Variants in MAPK6 observed in about 807,000 individuals in gnomAD.
The protein encoded by MAPK6 is ERK-3.
A neutral mutation model predicts 59.3 loss-of-function variants in MAPK6; 19 were observed. The observed-to-expected ratio is 0.32, with a 90% CI of 0.22 to 0.47. MAPK6 has a LOEUF of 0.47. Among genes scored for constraint, MAPK6 ranks in the 20% least tolerant of loss-of-function variants. The pLI, the probability that MAPK6 is intolerant of heterozygous loss-of-function variation, is 1.00. For synonymous variants in MAPK6, 316 were observed against 290.3 expected, an observed-to-expected ratio of 1.09 and a Z score of -0.90; for missense variants, 724 against 847.9, an observed-to-expected ratio of 0.85 and a Z score of 1.81.
At chr15:52,031,452 C>A (rs759274384) in intron 1 of MAPK6, among the ~76,000 whole-genome samples, 5 of 152,020 alleles carry the variant, frequency 3.3e-5, no homozygotes, top group Non-Finnish European at 5.9e-5. Flanking sequence ...CCTATTTTGC[C>A]TATTGGGAGG....
chr15:52,002,429 C>T (rs2057244659), intron 2 of MAPK6, among the ~76,000 whole-genome samples: 1 of 152,178 alleles, frequency 6.6e-6, no homozygotes, highest in Admixed American at 6.6e-5. Flanking sequence ...TCAGACCTCT[C>T]CTGGCTCTGA....
intron 3 of MAPK6, among the ~76,000 whole-genome samples, chr15:52,056,359 A>C (rs752940462): frequency 6.6e-6 from 1 of 152,152 alleles, no homozygotes; most frequent in Non-Finnish European, 1.5e-5. Context: ...CCAGTCTTAC[A>C]AAATAATCTG....
chr15:52,018,940 G>C (rs2030361958), upstream of MAPK6: 1 of 152,300 alleles, frequency 6.6e-6, no homozygotes, highest in Non-Finnish European at 1.5e-5. Flanking sequence ...CTTAGTAAAC[G>C]CTGGCACTGG....
At chr15:52,041,639 G>A (rs546555572) in intron 1 of MAPK6, among the ~76,000 whole-genome samples, 3 of 152,332 alleles carry the variant, frequency 2.0e-5, no homozygotes, top group South Asian at 4.1e-4. Context: ...AAGGAGCTCC[G>A]TGATTGATGT....
chr15:52,047,075 G>A (rs2031614170), intron 2 of MAPK6, 60 bp downstream of exon 2: 7 of 1,223,250 alleles, frequency 5.7e-6, no homozygotes, highest in Non-Finnish European at 6.6e-6. Flanking sequence ...TCAGGAATAG[G>A]TACTTATATT....
upstream of MAPK6, chr15:52,018,083 T>G (rs1413076912): frequency 6.6e-6 from 1 of 151,946 alleles, no homozygotes; most frequent in Non-Finnish European, 1.5e-5. Context: ...CAGGCTGGAG[T>G]GTCCTGGCGC....
At chr15:51,974,321 C>T (rs2057150780) in intron 1 of MAPK6, among the ~76,000 whole-genome samples, 1 of 151,308 alleles carries the variant, frequency 6.6e-6, no homozygotes, top group Non-Finnish European at 1.5e-5. Flanking sequence ...GAATTTAATC[C>T]TATTTGGTTT....
chr15:52,064,782 G>A lies in MAPK6; in HGVS notation c.1948G>A (p.Gly650Arg), dbSNP rs1372975234. 14 of 1,611,918 alleles carry A rather than the reference G, an allele frequency of 8.7e-6. No homozygotes were observed. Among genetic ancestry groups the A allele is most frequent in the Non-Finnish European group, 1.1e-5 (13 of 1,179,800 alleles). Reference protein sequence around the residue: ...EMLETEPVEDGKLGERGHEEG... With the variant: ...EMLETEPVEDRKLGERGHEEG... Reference sequence around the variant, plus strand: ...GCTAGAAACTGAGCCAGTAGAGGATGGGAAGCTTGGGGAGAGAGGACATGA... The same window carrying A: ...GCTAGAAACTGAGCCAGTAGAGGATAGGAAGCTTGGGGAGAGAGGACATGA... Residue 650 changes from glycine to arginine, a missense_variant, in exon 6 of 6, where the codon GGG (glycine) becomes AGG (arginine). Gly to Arg is a moderately radical substitution (Grantham distance 125, BLOSUM62 -2). This residue lies in a region of MAPK6 where 502 missense variants were observed against 507.6 expected (regional missense o/e 0.99). Coordinates refer to ENST00000261845, the MANE Select transcript of MAPK6 (RefSeq NM_002748.4).
intron 1 of MAPK6, among the ~76,000 whole-genome samples, chr15:52,025,858 C>T (rs576125927): frequency 6.6e-6 from 1 of 152,256 alleles, no homozygotes; most frequent in South Asian, 2.1e-4. Context: ...GATCTTTGCC[C>T]ACTCTAAAAT....
rs1375905024 is a variant in MAPK6 at position 52,061,284 on chromosome 15, C to T, written c.866-15C>T. 4.4e-6 allele frequency: 7 copies of T among 1,606,152 alleles called. No individual in the cohort carries two copies. The highest frequency in any genetic ancestry group is 6.0e-6 in the Non-Finnish European group (7 of 1,173,958). Reference sequence around the variant, plus strand: ...GCAATTCTTTTCTGAAAAACTTTTACCTTTTCCTCTGCAGCACTGGATTTC... The same window carrying T: ...GCAATTCTTTTCTGAAAAACTTTTATCTTTTCCTCTGCAGCACTGGATTTC... On this transcript the variant is annotated splice_polypyrimidine_tract_variant and intron_variant, in intron 4 of 5. Transcript: ENST00000261845.
intron 1 of MAPK6, among the ~76,000 whole-genome samples, chr15:52,037,468 G>GT (rs2031280849): frequency 6.6e-6 from 1 of 152,138 alleles, no homozygotes; most frequent in African/African-American, 2.4e-5. Flanking sequence ...ACCTTCTTTG[G>GT]TATTACATGG....
Position 52,067,042 on chromosome 15 carries a change from T to C in MAPK6, c.*2042T>C, listed in dbSNP as rs902840511. On this transcript the variant is annotated 3_prime_UTR_variant, in exon 6 of 6. Transcript: ENST00000261845. The stretch of plus-strand genomic sequence containing the variant: ...GCAGACATTGGTCCCTGATCCTCCA[T>C]TATAACCAATTTTTTGCAAACGTAT... 8.5e-5 allele frequency: 13 copies of C among 152,266 alleles called. No homozygotes were observed. Among genetic ancestry groups the C allele is most frequent in the African/African-American group, 2.9e-4 (12 of 41,550 alleles). 9.4% of individuals were successfully genotyped at this position (152,266 alleles called of 1,614,324 possible).
chr15:52,062,636 G>A (rs2032248050), intron 5 of MAPK6, among the ~76,000 whole-genome samples: 1 of 152,080 alleles, frequency 6.6e-6, no homozygotes, highest in South Asian at 2.1e-4. Flanking sequence ...TTGATGGCGG[G>A]CTCTTGTAGT....
At chr15:52,001,694 A>T (rs758309877) in intron 2 of MAPK6, among the ~76,000 whole-genome samples, 1 of 151,922 alleles carries the variant, frequency 6.6e-6, no homozygotes, top group Non-Finnish European at 1.5e-5. Context: ...TTTTTAGTAG[A>T]GACAGGGTTT....
At chr15:52,042,838 G>C (rs2031469226) in intron 1 of MAPK6, 1 of 152,324 alleles carries the variant, frequency 6.6e-6, no homozygotes, top group Middle Eastern at 3.4e-3. Context: ...AAGAAGGTAA[G>C]CGTGAACAAG....
At chr15:52,011,209 A>G (rs946600976) in intron 3 of MAPK6, 1 of 152,056 alleles carries the variant, frequency 6.6e-6, no homozygotes, top group African/African-American at 2.4e-5. Context: ...TGTCCTTTCC[A>G]TGGTCTATTT....
At chr15:52,029,299 C>T (rs2030936310) in intron 1 of MAPK6, among the ~76,000 whole-genome samples, 1 of 152,198 alleles carries the variant, frequency 6.6e-6, no homozygotes, top group Non-Finnish European at 1.5e-5. Flanking sequence ...GCATAAGCCA[C>T]TGCACCTAGC....
intron 1 of MAPK6, among the ~76,000 whole-genome samples, chr15:52,042,497 C>T (rs1442984266): frequency 6.6e-6 from 1 of 151,624 alleles, no homozygotes; most frequent in African/African-American, 2.4e-5. Context: ...GCACTCGCAT[C>T]CTTGAAGTTT....
At chr15:51,997,005 A>C (rs2057226429) in intron 2 of MAPK6, among the ~76,000 whole-genome samples, 1 of 150,758 alleles carries the variant, frequency 6.6e-6, no homozygotes. Flanking sequence ...TTTGAGACGA[A>C]GTCTCACTCT....
Sources: allele counts gnomAD v4.1 joint callset (sites outside exome capture counted in the v4.1 genomes callset), GRCh38; gene constraint gnomAD v4.1.1; regional missense constraint gnomAD v4.1.1; transcripts MANE v1.5; gene names NCBI Gene and HGNC (gene_info 2026-07-23, HGNC 2026-07-21).